ZNF124: variants seen among roughly 807,000 people sequenced by gnomAD.
ZNF124 encodes the protein zinc finger protein 124.
Under a neutral mutation model 26.6 loss-of-function variants are expected in ZNF124, and 25 were observed. That is an observed-to-expected ratio of 0.94 (90% confidence interval 0.68 to 1.31). ZNF124 has a LOEUF of 1.31. Ranked by LOEUF, ZNF124 falls within the 40% of genes most tolerant of loss-of-function variation. The pLI, the probability that ZNF124 is intolerant of heterozygous loss-of-function variation, is 0.00. For missense variants in ZNF124, 444 were observed against 422.2 expected (o/e 1.05, Z -0.45); for synonymous variants, 129 against 133.3 (o/e 0.97, Z 0.22).
At chr1:247,126,023 G>A (rs1187686443) in intron 3 of ZNF124, among the ~76,000 whole-genome samples, 1 of 142,640 alleles carries the variant, frequency 7.0e-6, no homozygotes, top group Non-Finnish European at 1.5e-5. Context: ...CAGCACTTTG[G>A]GAGGCTGAGG....
At chr1:247,166,568 T>C (rs542935906) in intron 1 of ZNF124, among the ~76,000 whole-genome samples, 2 of 152,174 alleles carry the variant, frequency 1.3e-5, no homozygotes, top group African/African-American at 4.8e-5. Context: ...GCAGAATACA[T>C]ATACAATAAG....
Position 247,171,933 on chromosome 1 carries a change from G to C in ZNF124, c.-56C>G. The C allele has an allele frequency of 8.7e-5, 1 of 11,490 alleles. No individual in the cohort carries two copies. Among genetic ancestry groups the C allele is most frequent in the Middle Eastern group, 9.6e-3 (1 of 104 alleles). 0.7% of individuals were successfully genotyped at this position (11,490 alleles called of 1,614,324 possible). ...TCACAGGAGGGCCCCGGCTGCGGCA[G>C]AGCCTCCTGAACCGCCGAGAGTGAA... On this transcript the variant is annotated 5_prime_UTR_variant, in exon 1 of 4. Coordinates refer to ENST00000543802, the MANE Select transcript of ZNF124 (RefSeq NM_001297568.2).
chr1:247,125,430 CTTT>C (rs71566695), intron 3 of ZNF124, among the ~76,000 whole-genome samples: 61 of 43,282 alleles, frequency 1.4e-3, no homozygotes, highest in African/African-American at 3.8e-3. Context: ...CTGTTTTTGT[CTTT>C]TTTTTTTTTT....
At chr1:247,131,571 A>G (rs1337672652) in intron 3 of ZNF124, among the ~76,000 whole-genome samples, 2 of 152,150 alleles carry the variant, frequency 1.3e-5, no homozygotes, top group South Asian at 2.1e-4. Context: ...ACCCATTTCT[A>G]TAGCTCCAGG....
chr1:247,139,772 T>C (rs1454436985), intron 3 of ZNF124, among the ~76,000 whole-genome samples: 2 of 152,228 alleles, frequency 1.3e-5, no homozygotes, highest in Non-Finnish European at 2.9e-5. Flanking sequence ...TGGCTGGGTA[T>C]GAAATTCTTG....
chr1:247,142,797 A>T (rs1180420522), intron 3 of ZNF124, among the ~76,000 whole-genome samples: 1 of 150,210 alleles, frequency 6.7e-6, no homozygotes, highest in African/African-American at 2.4e-5. Flanking sequence ...ATTTCAATTC[A>T]TCTTATGTAT....
rs994338821 is a variant in ZNF124 at position 247,144,752 on chromosome 1, G to A, written c.218+14254C>T. Among the ~76,000 whole-genome samples, 6 of 151,830 alleles carry A rather than the reference G, an allele frequency of 4.0e-5. No individual in the cohort carries two copies. In the East Asian group the frequency reaches 5.8e-4, roughly 15 times the overall value. On this transcript the variant is annotated intron_variant, in intron 3 of 3. Transcript: ENST00000472531. ...AAACTAAGCTAGGGTTGCATTTAGC[G>A]GAAAGGAAGATTATCTTTTCTTTCT...
chr1:247,172,122 A>G (rs1008580100), upstream of ZNF124: 1 of 114,690 alleles, frequency 8.7e-6, no homozygotes, highest in Non-Finnish European at 1.7e-5. Flanking sequence ...GCCCCCTCAG[A>G]CTCTTAGTGA....
intron 1 of ZNF124, among the ~76,000 whole-genome samples, chr1:247,164,601 AAAAC>A (rs1673672795): frequency 6.6e-6 from 1 of 151,820 alleles, no homozygotes; most frequent in Non-Finnish European, 1.5e-5. Flanking sequence ...AAAAAAAAAC[AAAAC>A]AAAACAAACA....
At chr1:247,165,378 A>G (rs563991487) in intron 1 of ZNF124, among the ~76,000 whole-genome samples, 1 of 152,236 alleles carries the variant, frequency 6.6e-6, no homozygotes, top group East Asian at 1.9e-4. Context: ...TTGAAACTGG[A>G]CCCCTTCCTT....
rs1672484198 is a variant in ZNF124, at chr1:247,136,393, CAATCACTACAAAGAG to C, written c.219-12537_219-12523del. On this transcript the variant is annotated intron_variant, in intron 3 of 3. Transcript: ENST00000472531. ...CAAATCATGAATGAACTCCCATTCA[CAATCACTACAAAGAG>C]AATAAAATACCTAGGAGTACAGCTA... is the stretch of plus-strand genomic sequence containing the variant. 2.6e-5 allele frequency among the ~76,000 whole-genome samples: 4 copies of C among 152,216 alleles called. No individual in the cohort carries two copies. The South Asian group carries it at 8.3e-4, about 32-fold the overall frequency.
chr1:247,128,148 T>A (rs924987663), intron 3 of ZNF124, among the ~76,000 whole-genome samples: 1 of 152,236 alleles, frequency 6.6e-6, no homozygotes, highest in Non-Finnish European at 1.5e-5. Context: ...TTGAACCAGA[T>A]GCAGTATTGT....
At chr1:247,139,548 G>A (rs1672572776) in intron 3 of ZNF124, among the ~76,000 whole-genome samples, 1 of 152,138 alleles carries the variant, frequency 6.6e-6, no homozygotes, top group South Asian at 2.1e-4. Flanking sequence ...GTTGTTAGCT[G>A]GTTATTATGC....
rs866476278 is a variant in ZNF124, at chr1:247,158,990, T to C, written c.218+16A>G. ...GACCCCAAGGGGGACTGCTTCCTCT[T>C]GTGAGGGCAAATTACCTTAGATTTC... On this transcript the variant is annotated intron_variant, in intron 3 of 3. Transcript: ENST00000543802. 6.2e-7 allele frequency: 1 copy of C among 1,611,018 alleles called. No individual in the cohort carries two copies. The highest frequency in any genetic ancestry group is 1.7e-4 in the Middle Eastern group (1 of 6,048).
chr1:247,153,795 A>G (rs1055811769), downstream of ZNF124, among the ~76,000 whole-genome samples: 1 of 151,708 alleles, frequency 6.6e-6, no homozygotes, highest in Admixed American at 6.6e-5. Flanking sequence ...TCTTGTGGTC[A>G]CAGGATTATA....
intron 3 of ZNF124, among the ~76,000 whole-genome samples, chr1:247,133,174 G>A (rs1174937841): frequency 1.3e-5 from 2 of 151,878 alleles, no homozygotes; most frequent in African/African-American, 4.8e-5. Context: ...CCACCTTACT[G>A]AAATAAGACA....
intron 3 of ZNF124, among the ~76,000 whole-genome samples, chr1:247,125,447 T>C (rs1672190624): frequency 7.6e-6 from 1 of 132,372 alleles, no homozygotes; most frequent in Non-Finnish European, 1.6e-5. Context: ...TTTTTTTTTT[T>C]TTTTTTTTTT....
At chr1:247,128,592 T>C (rs1215715888) in intron 3 of ZNF124, among the ~76,000 whole-genome samples, 1 of 150,246 alleles carries the variant, frequency 6.7e-6, no homozygotes, top group Non-Finnish European at 1.5e-5. Flanking sequence ...ATACTCTTCC[T>C]CTAAAAAGCT....
chr1:247,152,310 T>C (rs1204141846), downstream of ZNF124, among the ~76,000 whole-genome samples: 3 of 148,904 alleles, frequency 2.0e-5, no homozygotes, highest in East Asian at 1.9e-4. Context: ...TAAAACAAAA[T>C]ATAAATAAAT....
Sources: allele counts gnomAD v4.1 joint callset (sites outside exome capture counted in the v4.1 genomes callset), GRCh38; gene constraint gnomAD v4.1.1; transcripts MANE v1.5; gene names NCBI Gene and HGNC (gene_info 2026-07-23, HGNC 2026-07-21).